The following RASSF3 variants were observed in gnomAD, a reference collection of about 807,000 sequenced individuals.
The protein encoded by RASSF3 is ras association domain-containing protein 3.
RASSF3 carries 19 observed loss-of-function variants against 19.9 expected under a neutral mutation model. That is an observed-to-expected ratio of 0.96 (90% CI 0.67 to 1.40). RASSF3 has a LOEUF of 1.40. Among genes scored for constraint, RASSF3 ranks in the 40% most tolerant of loss-of-function variants. The probability of loss-of-function intolerance (pLI) is 0.00; values close to 1 mark genes in which losing one functional copy is unlikely to be tolerated. For missense variants in RASSF3, 306 were observed against 289.8 expected, an observed-to-expected ratio of 1.06 and a Z score of -0.41; for synonymous variants, 110 against 104.2, an observed-to-expected ratio of 1.06 and a Z score of -0.34.
At position 64,513,428 on chromosome 12, in the gene RASSF3, C is replaced by T. The variant is rs542574895; in HGVS notation, c.169+6099C>T. Reference sequence around the variant, plus strand: ...TCATGCCACTGCACTCCAGCCTGGGCGACAAGAGCAGAACTCCATCTCAGA... The same window carrying T: ...TCATGCCACTGCACTCCAGCCTGGGTGACAAGAGCAGAACTCCATCTCAGA... On this transcript the variant is annotated intron_variant, in intron 1 of 5. Coordinates refer to the RASSF3 transcript ENST00000637125. Among the ~76,000 whole-genome samples, 117 of 143,328 alleles carry T rather than the reference C, an allele frequency of 8.2e-4. 1 individual carries two copies. Among genetic ancestry groups the T allele is most frequent in the South Asian group, 4.5e-3 (20 of 4,480 alleles). 94.0% of individuals were successfully genotyped at this position (143,328 alleles called of 152,430 possible).
chr12:64,566,191 ACT>A (rs1765949181), intron 2 of RASSF3, among the ~76,000 whole-genome samples: 3 of 152,114 alleles, frequency 2.0e-5, no homozygotes, highest in Non-Finnish European at 4.4e-5. Flanking sequence ...ACAGAGTGAG[ACT>A]CTGTCTCAAA....
At chr12:64,644,231 A>T (rs1204609905) in intron 1 of RASSF3, among the ~76,000 whole-genome samples, 3 of 152,206 alleles carry the variant, frequency 2.0e-5, no homozygotes, top group African/African-American at 7.2e-5. Context: ...CCTATGCCTA[A>T]CCTGTCAAAA....
At chr12:64,578,463 A>G (rs1869633381) in intron 2 of RASSF3, among the ~76,000 whole-genome samples, 3 of 152,030 alleles carry the variant, frequency 2.0e-5, no homozygotes. Context: ...AGACCAGCCT[A>G]GGCAATATAG....
chr12:64,550,692 T>C (rs1037081375), intron 2 of RASSF3, among the ~76,000 whole-genome samples: 1 of 150,954 alleles, frequency 6.6e-6, no homozygotes, highest in African/African-American at 2.4e-5. Flanking sequence ...GGAGTGGTGG[T>C]GGGTGCCTGT....
At chr12:64,561,494 G>A (rs551913627) in intron 2 of RASSF3, among the ~76,000 whole-genome samples, 1 of 152,100 alleles carries the variant, frequency 6.6e-6, no homozygotes, top group South Asian at 2.1e-4. Flanking sequence ...AAACAAAATT[G>A]CTCCCCCACC....
At chr12:64,667,358 G>A (rs993183137) in intron 1 of RASSF3, among the ~76,000 whole-genome samples, 1 of 151,890 alleles carries the variant, frequency 6.6e-6, no homozygotes, top group Non-Finnish European at 1.5e-5. Context: ...ACAGAGTCTC[G>A]CTCTGTCACC....
At chr12:64,516,053 A>G (rs1448999937) in intron 1 of RASSF3, among the ~76,000 whole-genome samples, 1 of 152,228 alleles carries the variant, frequency 6.6e-6, no homozygotes, top group East Asian at 1.9e-4. Flanking sequence ...TGGTATTTTC[A>G]ATATATGTTG....
intron 1 of RASSF3, among the ~76,000 whole-genome samples, chr12:64,655,784 T>C (rs973869214): frequency 2.0e-5 from 3 of 151,962 alleles, no homozygotes; most frequent in Admixed American, 1.3e-4. Context: ...TCCAGCACTT[T>C]GGGAGGCCGA....
intron 1 of RASSF3, among the ~76,000 whole-genome samples, chr12:64,638,223 A>G (rs1397739236): frequency 6.6e-6 from 1 of 152,246 alleles, no homozygotes; most frequent in African/African-American, 2.4e-5. Flanking sequence ...TTATTGAAGT[A>G]GGTCAAATGC....
upstream of RASSF3, among the ~76,000 whole-genome samples, chr12:64,532,998 T>C (rs1868745870): frequency 6.6e-6 from 1 of 152,222 alleles, no homozygotes; most frequent in Non-Finnish European, 1.5e-5. Flanking sequence ...GCACCTCCAA[T>C]CAACACTGCC....
intron 1 of RASSF3, among the ~76,000 whole-genome samples, chr12:64,520,555 C>CATATATATATATATAT (rs66975333): frequency 5.1e-4 from 44 of 86,306 alleles, no homozygotes; most frequent in Admixed American, 1.1e-3. Context: ...CACATACACA[C>CATATATATATATATAT]ATATATATAT....
At chr12:64,509,866 C>T (rs752006990) in intron 1 of RASSF3, among the ~76,000 whole-genome samples, 6 of 152,174 alleles carry the variant, frequency 3.9e-5, no homozygotes, top group South Asian at 4.2e-4. Context: ...GCGGGCGGAT[C>T]GCTTGAGGTC....
At chr12:64,635,444 A>G (rs917363848) in intron 1 of RASSF3, among the ~76,000 whole-genome samples, 1 of 152,234 alleles carries the variant, frequency 6.6e-6, no homozygotes, top group Non-Finnish European at 1.5e-5. Context: ...AAAGTCATAA[A>G]GAGCCATTTA....
rs79967837 is a variant in RASSF3, at chr12:64,547,270, TAA to T, written c.294+5580_294+5581del. Among the ~76,000 whole-genome samples the T allele has an allele frequency of 2.7e-3, 345 of 127,400 alleles. 3 individuals carry two copies. Among genetic ancestry groups the T allele is most frequent in the African/African-American group, 3.9e-3 (126 of 32,458 alleles). The allele number at this position is 127,400 out of a possible 152,430, so 83.6% of individuals were successfully genotyped here. ...CTGTGTGACAGAGAGAGACTTGATC[TAA>T]AAAAAAAAAAAAAAGCCAGGCACGG... On this transcript the variant is annotated intron_variant, in intron 2 of 5. Coordinates refer to the RASSF3 transcript ENST00000637125.
chr12:64,680,132 T>C (rs1873068349), intron 1 of RASSF3, among the ~76,000 whole-genome samples: 1 of 152,166 alleles, frequency 6.6e-6, no homozygotes, highest in South Asian at 2.1e-4. Flanking sequence ...TCCTAGAAAT[T>C]GTGGTTCTGA....
At chr12:64,575,324 C>T (rs375527066) in intron 2 of RASSF3, among the ~76,000 whole-genome samples, 241 of 152,192 alleles carry the variant, frequency 1.6e-3, no homozygotes, top group African/African-American at 5.6e-3. Flanking sequence ...GAGGCCAAGG[C>T]GGGCAGATCA....
At chr12:64,604,656 G>A (rs764888679) in intron 2 of RASSF3, among the ~76,000 whole-genome samples, 112 of 143,940 alleles carry the variant, frequency 7.8e-4, no homozygotes, top group Middle Eastern at 3.6e-3. Flanking sequence ...TTTTTCTTTT[G>A]AGATGGAGTC....
At chr12:64,594,011 C>CAA (rs34463362) in intron 2 of RASSF3, among the ~76,000 whole-genome samples, 66 of 45,934 alleles carry the variant, frequency 1.4e-3, no homozygotes, top group Middle Eastern at 0.016. Context: ...GACTCTGTCT[C>CAA]AAAAAAAAAA....
At chr12:64,689,220 GGTGTGTGTGT>G (rs10688391) in intron 3 of RASSF3, among the ~76,000 whole-genome samples, 2 of 147,444 alleles carry the variant, frequency 1.4e-5, no homozygotes, top group Admixed American at 6.8e-5. Context: ...TTGAAATCGG[GGTGTGTGTGT>G]GTGTGTGTGT....
Sources: allele counts gnomAD v4.1 joint callset (sites outside exome capture counted in the v4.1 genomes callset), GRCh38; gene constraint gnomAD v4.1.1; transcripts MANE v1.5; gene names NCBI Gene and HGNC (gene_info 2026-07-23, HGNC 2026-07-21).